Variants in ACVR1C observed in about 807,000 individuals in gnomAD.
The protein encoded by ACVR1C is activin receptor type-1C.
A neutral mutation model predicts 57.9 loss-of-function variants in ACVR1C; 23 were observed. The ratio of observed to expected loss-of-function variants is 0.40; its 90% CI spans 0.29 to 0.56. ACVR1C has a LOEUF of 0.56. Among genes scored for constraint, ACVR1C ranks in the 20% least tolerant of loss-of-function variants. ACVR1C has a pLI of 0.50. For synonymous variants in ACVR1C, 214 were observed against 215.3 expected (o/e 0.99, Z 0.05); for missense variants, 480 against 607.9 (o/e 0.79, Z 2.21).
intron 1 of ACVR1C, among the ~76,000 whole-genome samples, chr2:157,588,878 T>TATATATATATATAC (rs1318681791): frequency 7.1e-6 from 1 of 139,944 alleles, no homozygotes; most frequent in Non-Finnish European, 1.5e-5. Context: ...TATATATATA[T>TATATATATATATAC]ACGTGTGTGT....
chr2:157,540,585 C>T (rs1687603179), intron 7 of ACVR1C, among the ~76,000 whole-genome samples: 1 of 152,102 alleles, frequency 6.6e-6, no homozygotes, highest in South Asian at 2.1e-4. Flanking sequence ...CATGAGTCAC[C>T]ACGCCCAGGT....
chr2:157,562,728 T>C (rs1439468477), intron 2 of ACVR1C, among the ~76,000 whole-genome samples: 1 of 152,062 alleles, frequency 6.6e-6, no homozygotes, highest in Non-Finnish European at 1.5e-5. Context: ...CTCAATAAAA[T>C]ACTGCTAAGC....
At chr2:157,538,542 A>G in intron 8 of ACVR1C, 31 bp downstream of exon 8, 2 of 1,513,734 alleles carry the variant, frequency 1.3e-6, no homozygotes, top group Non-Finnish European at 1.8e-6. Context: ...AAAATATAAT[A>G]AGAAAAATAT....
chr2:157,540,922 A>G (rs113868869), intron 7 of ACVR1C, among the ~76,000 whole-genome samples, 168 bp downstream of exon 7: 2 of 152,250 alleles, frequency 1.3e-5, no homozygotes, highest in Non-Finnish European at 2.9e-5. Context: ...TCTCCATTAC[A>G]TGCAAGATAT....
intron 3 of ACVR1C, among the ~76,000 whole-genome samples, chr2:157,555,500 G>T (rs1001978420): frequency 2.6e-5 from 4 of 152,188 alleles, no homozygotes; most frequent in African/African-American, 9.7e-5. Flanking sequence ...GCCAGCAAAA[G>T]CCAGCACAGG....
chr2:157,557,305 C>T (rs752581074), intron 2 of ACVR1C, among the ~76,000 whole-genome samples: 11 of 152,082 alleles, frequency 7.2e-5, no homozygotes, highest in African/African-American at 9.7e-5. Context: ...TCTGAGTGGC[C>T]GCTGTGTGAA....
At chr2:157,623,012 T>A (rs1395377144) in intron 1 of ACVR1C, among the ~76,000 whole-genome samples, 1 of 152,086 alleles carries the variant, frequency 6.6e-6, no homozygotes, top group African/African-American at 2.4e-5. Flanking sequence ...GAAAAGGTGC[T>A]CAACATCACT....
intron 2 of ACVR1C, among the ~76,000 whole-genome samples, chr2:157,572,392 A>G (rs2105241337): frequency 6.6e-6 from 1 of 151,982 alleles, no homozygotes; most frequent in East Asian, 1.9e-4. Context: ...AAAAAAAAAA[A>G]AGTCTATGCT....
intron 3 of ACVR1C, among the ~76,000 whole-genome samples, chr2:157,552,122 G>GGTTT (rs944352844): frequency 6.6e-6 from 1 of 151,978 alleles, no homozygotes; most frequent in African/African-American, 2.4e-5. Flanking sequence ...TTTGTTTGTT[G>GGTTT]GTTTGTTTTG....
At chr2:157,599,314 CAAAAAAAAAAAAAAAAAAAA>C (rs60182304) in intron 1 of ACVR1C, among the ~76,000 whole-genome samples, 9 of 40,602 alleles carry the variant, frequency 2.2e-4, no homozygotes, top group East Asian at 9.1e-4. Flanking sequence ...AGCCTGGGCT[CAAAAAAAAAAAAAAAAAAAA>C]AAAAAAAAAA....
intron 2 of ACVR1C, 129 bp from the exon 3 acceptor site, chr2:157,556,461 G>A (rs1197937762): frequency 8.3e-7 from 1 of 1,203,024 alleles, no homozygotes; most frequent in Admixed American, 2.4e-5. Flanking sequence ...TATGTTCATT[G>A]GTAAAGGCTC....
At chr2:157,583,001 C>T (rs945637272) in intron 2 of ACVR1C, among the ~76,000 whole-genome samples, 2 of 152,126 alleles carry the variant, frequency 1.3e-5, no homozygotes, top group African/African-American at 4.8e-5. Flanking sequence ...CCCGCCTCAG[C>T]CTCCCAAGTA....
chr2:157,563,521 C>T (rs1469452287), intron 2 of ACVR1C, among the ~76,000 whole-genome samples: 3 of 152,134 alleles, frequency 2.0e-5, no homozygotes, highest in Admixed American at 6.5e-5. Context: ...GAATCAATAT[C>T]GTGAAAATGG....
intron 2 of ACVR1C, among the ~76,000 whole-genome samples, chr2:157,577,631 T>G (rs189634025): frequency 6.6e-6 from 1 of 152,272 alleles, no homozygotes; most frequent in Admixed American, 6.5e-5. Context: ...CACAATAATT[T>G]CAACATTTCT....
intron 4 of ACVR1C, among the ~76,000 whole-genome samples, chr2:157,549,122 G>A (rs1053827857): frequency 2.0e-5 from 3 of 152,184 alleles, no homozygotes; most frequent in African/African-American, 4.8e-5. Flanking sequence ...TTAGGAGGCC[G>A]AGGGGGGTGG....
At chr2:157,615,466 C>G (rs1682624650) in intron 1 of ACVR1C, among the ~76,000 whole-genome samples, 1 of 152,030 alleles carries the variant, frequency 6.6e-6, no homozygotes, top group Non-Finnish European at 1.5e-5. Context: ...CCTTGACCTC[C>G]CGAGCTCAAG....
rs578208823 is a variant in ACVR1C at position 157,575,131 on chromosome 2, CT to C, written c.304+12055del. On this transcript the variant is annotated intron_variant, in intron 2 of 8. Coordinates refer to ENST00000243349, the MANE Select transcript of ACVR1C (RefSeq NM_145259.3). ...TGTGCACCACCATACCCGGCAAGTT[CT>C]TTTTTTTTTTTTTTTGACGGAGTTT... 5.3e-3 allele frequency among the ~76,000 whole-genome samples: 727 copies of C among 137,464 alleles called. 1 individual carries two copies. The highest frequency in any genetic ancestry group is 8.7e-3 in the South Asian group (37 of 4,272). 90.2% of individuals were successfully genotyped at this position (137,464 alleles called of 152,430 possible). A position where few individuals can be genotyped will look rare whatever the true frequency, so the allele number is the denominator to read the frequency against.
intron 1 of ACVR1C, among the ~76,000 whole-genome samples, chr2:157,602,928 T>G (rs535567736): frequency 2.0e-5 from 3 of 152,302 alleles, no homozygotes; most frequent in African/African-American, 7.2e-5. Context: ...TAAAGTCATT[T>G]CTTGTTCCGT....
intron 4 of ACVR1C, 73 bp downstream of exon 4, chr2:157,550,089 A>AT (rs997509263): frequency 5.5e-3 from 6,659 of 1,210,824 alleles, no homozygotes; most frequent in South Asian, 8.1e-3. Context: ...ACTAGACAAC[A>AT]TTTTTTTTTT....
Sources: gnomAD v4.1 joint callset for allele counts (sites outside exome capture counted in the v4.1 genomes callset) on GRCh38, gnomAD v4.1.1 for gene constraint, MANE v1.5 for transcripts, NCBI Gene and HGNC (gene_info 2026-07-23, HGNC 2026-07-21) for gene names.